Variants in NUP210L observed in about 807,000 individuals in gnomAD.
NUP210L encodes nuclear pore membrane glycoprotein 210-like.
NUP210L carries 74 observed loss-of-function variants against 208.5 expected under a neutral mutation model. That is an observed-to-expected ratio of 0.35 (90% CI 0.29 to 0.43). The LOEUF is 0.43. NUP210L is among the 20% of genes least tolerant of loss of function. NUP210L has a pLI of 1.00. For synonymous variants in NUP210L, 780 were observed against 816.9 expected (o/e 0.95, Z 0.77); for missense variants, 1,843 against 2,289.4 (o/e 0.81, Z 3.98).
chr1:154,155,032 G>T (rs549565325), exon 1 of NUP210L: 14 of 1,606,118 alleles, frequency 8.7e-6, no homozygotes, highest in South Asian at 1.1e-5. Flanking sequence ...GATGACGCCG[G>T]ACAGCCAGTC....
rs1293759279 is a variant in NUP210L, at chr1:154,131,102, T to TAA, written c.1010-1759_1010-1758dup. Among the ~76,000 whole-genome samples the TAA allele has an allele frequency of 2.8e-5, 4 of 144,138 alleles. No individual in the cohort carries two copies. In the South Asian group the frequency reaches 6.5e-4, roughly 24 times the overall value. The allele number at this position is 144,138 out of a possible 152,430, so 94.6% of individuals were successfully genotyped here. The stretch of plus-strand genomic sequence containing the variant: ...TAACACGGTGAAACCCCGTCTCTGC[T>TAA]AAAAAAAAAAATACAAAAAATTAGC... On this transcript the variant is annotated intron_variant, in intron 7 of 39. Coordinates refer to ENST00000368559, the Ensembl canonical transcript of NUP210L.
intron 25 of NUP210L, among the ~76,000 whole-genome samples, chr1:154,048,035 C>G (rs967964265): frequency 1.3e-5 from 2 of 152,062 alleles, no homozygotes; most frequent in African/African-American, 2.4e-5. Flanking sequence ...TTTGTTCCAC[C>G]TTGGAACATT....
intron 38 of NUP210L, among the ~76,000 whole-genome samples, chr1:153,994,764 A>C (rs1400992208): frequency 1.3e-5 from 2 of 151,564 alleles, no homozygotes; most frequent in African/African-American, 4.8e-5. Context: ...CTGTAATCCC[A>C]GCACTTTGGG....
chr1:154,014,734 T>C (rs1352202343), intron 33 of NUP210L, among the ~76,000 whole-genome samples: 2 of 152,200 alleles, frequency 1.3e-5, no homozygotes, highest in Non-Finnish European at 2.9e-5. Context: ...CCGGGTGCAG[T>C]GACTCACATC....
rs543817463 is a variant in NUP210L at position 154,147,916 on chromosome 1, A to G, written c.341-4339T>C. On this transcript the variant is annotated intron_variant, in intron 2 of 39. Transcript: ENST00000368559. ...GTAATCCACCCGCCTCGGCCTCCCA[A>G]AGTGCTGGGATTACAGAGGTGAGCC... Among the ~76,000 whole-genome samples, 483 of 139,546 alleles carry G rather than the reference A, an allele frequency of 3.5e-3. 5 individuals carry two copies. The highest frequency in any genetic ancestry group is 0.011 in the African/African-American group (433 of 37,814). 91.5% of individuals were successfully genotyped at this position (139,546 alleles called of 152,430 possible). A position where few individuals can be genotyped will look rare whatever the true frequency, so the allele number is the denominator to read the frequency against.
intron 1 of NUP210L, among the ~76,000 whole-genome samples, chr1:154,154,186 A>G (rs1336455964): frequency 6.6e-6 from 1 of 152,106 alleles, no homozygotes; most frequent in Non-Finnish European, 1.5e-5. Flanking sequence ...TCTCATCTCC[A>G]CCCACGATAA....
At chr1:154,089,290 A>G in intron 16 of NUP210L, 131 bp downstream of exon 16, 1 of 775,188 alleles carries the variant, frequency 1.3e-6, no homozygotes, top group South Asian at 1.9e-5. Context: ...TCCTCAAAAA[A>G]TTAAAAATAG....
In NUP210L at chr1:154,056,892, T is replaced by C; in HGVS notation, c.3163A>G (p.Ile1055Val). ...ATAGCCACAAGTGTGGTTTGCCCAA[T>C]AGTGGTAGCTCGAAGAATATAATTT... is the stretch of plus-strand genomic sequence containing the variant. Residue 1055 changes from isoleucine (I) to valine (V), a missense_variant, in exon 23 of 40, where the codon ATT becomes GTT. Transcript: ENST00000368559. 2.5e-6 allele frequency: 4 copies of C among 1,609,314 alleles called. 1 individual carries two copies. Among genetic ancestry groups the C allele is most frequent in the South Asian group, 2.2e-5 (2 of 90,046 alleles).
chr1:154,052,240 G>A (rs1653546506), intron 25 of NUP210L, among the ~76,000 whole-genome samples: 2 of 152,194 alleles, frequency 1.3e-5, no homozygotes. Context: ...GGTTATGCTT[G>A]TGTTTCTCCT....
intron 16 of NUP210L, chr1:154,079,881 C>T (rs1171108888): frequency 6.6e-6 from 1 of 152,252 alleles, no homozygotes; most frequent in African/African-American, 2.4e-5. Flanking sequence ...CAATGTGGAG[C>T]ACAAGGCTGA....
At chr1:154,094,865 G>A (rs1254781607) in intron 15 of NUP210L, 70 bp downstream of exon 15, 1 of 1,115,468 alleles carries the variant, frequency 9.0e-7, no homozygotes, top group African/African-American at 1.6e-5. Context: ...ATCTGAAAAG[G>A]AATGGCTGGA....
intron 15 of NUP210L, 60 bp downstream of exon 15, chr1:154,094,875 A>C (rs1372812291): frequency 1.6e-6 from 2 of 1,231,412 alleles, no homozygotes; most frequent in Admixed American, 3.8e-5. Flanking sequence ...GAATGGCTGG[A>C]AGTACAAAGG....
At chr1:154,104,165 C>T (rs1571277005) in exon 13 of NUP210L, 1 of 1,613,940 alleles carries the variant, frequency 6.2e-7, no homozygotes, top group Non-Finnish European at 8.5e-7. Flanking sequence ...TCCACATCAG[C>T]ATGAAATGGT....
chr1:154,147,040 A>G (rs1364726908), intron 2 of NUP210L, among the ~76,000 whole-genome samples: 3 of 152,120 alleles, frequency 2.0e-5, no homozygotes, highest in Admixed American at 6.6e-5. Flanking sequence ...TTTGTTGTCC[A>G]GGCCAATTCC....
chr1:154,017,284 C>CA (rs1266870105), intron 33 of NUP210L, among the ~76,000 whole-genome samples: 375 of 107,404 alleles, frequency 3.5e-3, no homozygotes, highest in African/African-American at 7.1e-3. Context: ...CTGTCTCCAA[C>CA]AAAAAAAAAA....
At chr1:154,104,370 C>A (rs1018025471) in intron 12 of NUP210L, among the ~76,000 whole-genome samples, 160 bp from the exon 13 acceptor site, 1 of 152,084 alleles carries the variant, frequency 6.6e-6, no homozygotes, top group Non-Finnish European at 1.5e-5. Flanking sequence ...TCATAAGAAT[C>A]AAAAATCAGG....
intron 3 of NUP210L, among the ~76,000 whole-genome samples, chr1:154,142,237 G>T (rs1658886334): frequency 6.6e-6 from 1 of 150,686 alleles, no homozygotes; most frequent in Non-Finnish European, 1.5e-5. Flanking sequence ...AACAAAGAAA[G>T]TGGCAATACA....
chr1:154,029,900 A>G, exon 28 of NUP210L: 1 of 1,605,406 alleles, frequency 6.2e-7, no homozygotes, highest in Non-Finnish European at 8.5e-7. Flanking sequence ...GCTTACCAGG[A>G]TCTGTACTTC....
chr1:154,143,908 ATGG>A (rs1255914383), intron 2 of NUP210L, among the ~76,000 whole-genome samples: 4 of 152,164 alleles, frequency 2.6e-5, no homozygotes, highest in Non-Finnish European at 5.9e-5. Context: ...TAGGTCTTGC[ATGG>A]TGGCTCATGC....
Sources: gnomAD v4.1 joint callset for allele counts (sites outside exome capture counted in the v4.1 genomes callset) on GRCh38, gnomAD v4.1.1 for gene constraint, MANE v1.5 for transcripts, NCBI Gene and HGNC (gene_info 2026-07-23, HGNC 2026-07-21) for gene names.